Variants in CBLN2 observed in about 807,000 individuals in gnomAD.
CBLN2 encodes cerebellin 2 precursor.
In CBLN2, 7 loss-of-function variants were observed where a neutral mutation model predicts 15.0. The observed-to-expected ratio is 0.47, with a 90% CI of 0.27 to 0.88. The LOEUF is 0.88. Ranked by LOEUF, CBLN2 falls within the 40% of genes least tolerant of loss-of-function variation. The pLI is 0.14. For synonymous variants in CBLN2, 149 were observed against 135.2 expected, an observed-to-expected ratio of 1.10 and a Z score of -0.71; for missense variants, 242 against 304.5, an observed-to-expected ratio of 0.79 and a Z score of 1.53.
At chr18:72,613,319 C>T (rs553354566) in intron 1 of CBLN2, among the ~76,000 whole-genome samples, 2 of 152,246 alleles carry the variant, frequency 1.3e-5, no homozygotes, top group South Asian at 4.1e-4. Context: ...CTCTATAGTG[C>T]CCAGACCAGT....
chr18:72,541,692 G>C (rs969366639), intron 3 of CBLN2, 112 bp downstream of exon 3: 1 of 742,912 alleles, frequency 1.3e-6, no homozygotes, highest in Non-Finnish European at 2.1e-6. Context: ...GGCAGAGGGG[G>C]AGGACAGAGC....
intron 1 of CBLN2, among the ~76,000 whole-genome samples, chr18:72,588,522 T>A (rs1202390904): frequency 6.6e-6 from 1 of 152,210 alleles, no homozygotes; most frequent in Non-Finnish European, 1.5e-5. Context: ...TTCCACTCAC[T>A]GTGCTAATGC....
intron 1 of CBLN2, among the ~76,000 whole-genome samples, chr18:72,605,715 A>G (rs867564849): frequency 1.3e-5 from 2 of 152,258 alleles, no homozygotes; most frequent in Admixed American, 1.3e-4. Flanking sequence ...GATGCACTAC[A>G]TAAGAGTTTT....
intron 1 of CBLN2, among the ~76,000 whole-genome samples, chr18:72,559,237 A>G (rs755960549): frequency 6.6e-5 from 10 of 152,160 alleles, no homozygotes; most frequent in Admixed American, 1.3e-4. Context: ...AATACAATTA[A>G]CCAATCAGCA....
In CBLN2 at chr18:72,624,740, T is replaced by C. The variant is rs369110662; in HGVS notation, c.15+13585A>G. Among the ~76,000 whole-genome samples, 133 of 152,360 alleles carry C rather than the reference T, an allele frequency of 8.7e-4. 3 individuals are homozygous for C. In the South Asian group the frequency reaches 0.026, roughly 29 times the overall value. ...TGCTTAATTTTGCTGAGATAGCTTATGTTTTCCTTACATAATTATGTGTGT... is the reference window on the plus strand; with the variant it reads ...TGCTTAATTTTGCTGAGATAGCTTACGTTTTCCTTACATAATTATGTGTGT... On this transcript the variant is annotated intron_variant, in intron 1 of 2. Transcript: ENST00000581073.
intron 1 of CBLN2, among the ~76,000 whole-genome samples, chr18:72,578,773 A>C (rs1166525554): frequency 6.6e-6 from 1 of 152,214 alleles, no homozygotes; most frequent in Non-Finnish European, 1.5e-5. Flanking sequence ...CTACCTGCCT[A>C]GAAAAATGCA....
At chr18:72,622,048 T>C (rs773557058) in intron 1 of CBLN2, among the ~76,000 whole-genome samples, 8 of 152,158 alleles carry the variant, frequency 5.3e-5, no homozygotes, top group Non-Finnish European at 7.3e-5. Flanking sequence ...TCTATTTTTA[T>C]AGATATATAG....
At chr18:72,625,760 G>GTA (rs1226274858) in intron 1 of CBLN2, among the ~76,000 whole-genome samples, 6 of 120,002 alleles carry the variant, frequency 5.0e-5, no homozygotes, top group Middle Eastern at 5.7e-3. Flanking sequence ...ATGCTGAAGA[G>GTA]TATATATATA....
upstream of CBLN2, among the ~76,000 whole-genome samples, chr18:72,549,124 G>T (rs1044311754): frequency 2.0e-5 from 3 of 152,174 alleles, no homozygotes; most frequent in South Asian, 6.2e-4. Context: ...AGATTCTCCT[G>T]TCTCAGCCTT....
At chr18:72,630,596 GTATT>G (rs967908316) in intron 1 of CBLN2, among the ~76,000 whole-genome samples, 1 of 151,242 alleles carries the variant, frequency 6.6e-6, no homozygotes, top group African/African-American at 2.4e-5. Context: ...GAGGCTTTCT[GTATT>G]TAGACAAGAA....
At chr18:72,618,242 TAA>T (rs530074266) in intron 1 of CBLN2, 40 of 271,210 alleles carry the variant, frequency 1.5e-4, no homozygotes, top group African/African-American at 8.5e-4. Flanking sequence ...GAAGCATTGT[TAA>T]AGTCTCTCTT....
chr18:72,564,408 A>C (rs1475380510), intron 1 of CBLN2, among the ~76,000 whole-genome samples: 1 of 152,130 alleles, frequency 6.6e-6, no homozygotes, highest in Non-Finnish European at 1.5e-5. Context: ...AATGAAATAA[A>C]AATACAGTCG....
upstream of CBLN2, among the ~76,000 whole-genome samples, chr18:72,546,284 A>G (rs2069157544): frequency 6.6e-6 from 1 of 152,066 alleles, no homozygotes; most frequent in African/African-American, 2.4e-5. Context: ...AAAAATACAA[A>G]AAATTAGCCG....
At chr18:72,613,928 G>T (rs896781913) in intron 1 of CBLN2, among the ~76,000 whole-genome samples, 1 of 152,064 alleles carries the variant, frequency 6.6e-6, no homozygotes, top group Non-Finnish European at 1.5e-5. Context: ...TATTCAAAAC[G>T]TCTTCTAAGA....
chr18:72,586,526 T>C (rs2069444507), intron 1 of CBLN2, among the ~76,000 whole-genome samples: 1 of 152,170 alleles, frequency 6.6e-6, no homozygotes, highest in African/African-American at 2.4e-5. Context: ...TCTCAAAGAA[T>C]CACTGAAAGA....
intron 1 of CBLN2, among the ~76,000 whole-genome samples, chr18:72,552,969 T>G (rs1264106995): frequency 6.6e-6 from 1 of 152,206 alleles, no homozygotes; most frequent in Non-Finnish European, 1.5e-5. Flanking sequence ...TATGTGTCTC[T>G]GTATTTTTAA....
chr18:72,619,713 C>T (rs1192216416), intron 1 of CBLN2, among the ~76,000 whole-genome samples: 1 of 152,162 alleles, frequency 6.6e-6, no homozygotes, highest in African/African-American at 2.4e-5. Context: ...AGCTAAGGGT[C>T]ATTATGATCA....
chr18:72,541,845 A>T lies in CBLN2; in HGVS notation c.316T>A (p.Ser106Thr), dbSNP rs2069114663. 6.3e-7 allele frequency: 1 copy of T among 1,591,746 alleles called. No individual in the cohort carries two copies. ...SATRSTNHEP[S>T]EMSNRTMTIY... ...GTCATGGTGCGGTTGCTCATCTCGG[A>T]CGGCTCGTGGTTGGTGCTCCGCGTG... The change falls in exon 3 of 5, where the codon TCC becomes ACC. Residue 106 changes from serine to threonine, a missense_variant. By Grantham distance (58) the Ser-to-Thr change is moderately conservative (BLOSUM62 1). This residue lies in a region of CBLN2 where 89 missense variants were observed against 114.2 expected (regional missense o/e 0.78). Transcript: ENST00000269503.
At chr18:72,625,747 C>G (rs1311974137) in intron 1 of CBLN2, among the ~76,000 whole-genome samples, 1 of 107,622 alleles carries the variant, frequency 9.3e-6, no homozygotes, top group Non-Finnish European at 1.9e-5. Context: ...TCCGTTAGAC[C>G]AAATGCTGAA....
Sources: gnomAD v4.1 joint callset for allele counts (sites outside exome capture counted in the v4.1 genomes callset) on GRCh38, gnomAD v4.1.1 for gene constraint, gnomAD v4.1.1 regional missense constraint, MANE v1.5 for transcripts, NCBI Gene and HGNC (gene_info 2026-07-23, HGNC 2026-07-21) for gene names.